The following SENP7 variants were observed in gnomAD, a reference collection of about 807,000 sequenced individuals.
The protein encoded by SENP7 is SUMO specific peptidase 7.
A neutral mutation model predicts 141.2 loss-of-function variants in SENP7; 64 were observed. That is an observed-to-expected ratio of 0.45 (90% confidence interval 0.37 to 0.56). The LOEUF is 0.56. Ranked by LOEUF, SENP7 falls within the 20% of genes least tolerant of loss-of-function variation. The pLI is 0.00. For missense variants in SENP7, 1,025 were observed against 1,212.2 expected (o/e 0.85, Z 2.29); for synonymous variants, 382 against 426.4 (o/e 0.90, Z 1.28).
chr3:101,370,290 C>T (rs1324410109), intron 7 of SENP7, among the ~76,000 whole-genome samples: 1 of 152,134 alleles, frequency 6.6e-6, no homozygotes, highest in Non-Finnish European at 1.5e-5. Context: ...TTAGTCCTCA[C>T]ATTCTACTGC....
chr3:101,452,045 T>C (rs2063159316), intron 4 of SENP7, among the ~76,000 whole-genome samples: 1 of 152,156 alleles, frequency 6.6e-6, no homozygotes, highest in South Asian at 2.1e-4. Context: ...TGTGCAAAAA[T>C]CACAAGCATT....
intron 3 of SENP7, among the ~76,000 whole-genome samples, chr3:101,492,089 T>C (rs1418180512): frequency 1.4e-5 from 2 of 146,890 alleles, no homozygotes; most frequent in African/African-American, 5.1e-5. Context: ...CAAAACGCCA[T>C]CTCAAAAAAA....
chr3:101,414,120 G>C (rs560376572), intron 5 of SENP7: 4 of 442,084 alleles, frequency 9.0e-6, no homozygotes, highest in Non-Finnish European at 1.6e-5. Flanking sequence ...TTGAACTGAT[G>C]CACTGGCAAT....
chr3:101,351,978 G>A (rs2059625319), intron 11 of SENP7, among the ~76,000 whole-genome samples: 1 of 151,946 alleles, frequency 6.6e-6, no homozygotes, highest in Non-Finnish European at 1.5e-5. Context: ...AAGTAGCAGT[G>A]ACTCTGGTAA....
chr3:101,490,480 G>A (rs1308989637), intron 3 of SENP7, among the ~76,000 whole-genome samples: 1 of 152,000 alleles, frequency 6.6e-6, no homozygotes. Context: ...GGAGGTACAA[G>A]CAACAGAAGA....
intron 4 of SENP7, among the ~76,000 whole-genome samples, chr3:101,451,431 A>C (rs185490798): frequency 6.6e-6 from 1 of 152,338 alleles, no homozygotes; most frequent in East Asian, 1.9e-4. Flanking sequence ...TTTTAGACCA[A>C]TAGCCCTGAT....
At chr3:101,333,572 G>A (rs1426399412) in intron 17 of SENP7, among the ~76,000 whole-genome samples, 1 of 152,026 alleles carries the variant, frequency 6.6e-6, no homozygotes, top group African/African-American at 2.4e-5. Context: ...AATCTTAATG[G>A]AGGAGGAAAA....
chr3:101,478,341 G>A (rs1367474417), intron 3 of SENP7, among the ~76,000 whole-genome samples: 3 of 151,968 alleles, frequency 2.0e-5, no homozygotes, highest in African/African-American at 4.8e-5. Context: ...AATACAGCAA[G>A]ACCCCACCTC....
At chr3:101,458,113 C>G (rs1276503663) in intron 4 of SENP7, among the ~76,000 whole-genome samples, 1 of 152,274 alleles carries the variant, frequency 6.6e-6, no homozygotes, top group Non-Finnish European at 1.5e-5. Context: ...GCCTTATTCA[C>G]CTTGACAATT....
chr3:101,402,227 G>A (rs191180757), intron 5 of SENP7, among the ~76,000 whole-genome samples: 2 of 152,214 alleles, frequency 1.3e-5, no homozygotes, highest in Non-Finnish European at 2.9e-5. Flanking sequence ...GCATAAGTTC[G>A]AAAGACAGGC....
rs1290550493 is a variant in SENP7, at chr3:101,341,573, A to G, written c.2240+73T>C. 7.2e-6 allele frequency: 9 copies of G among 1,256,970 alleles called. No homozygotes were observed. The Admixed American group carries it at 2.2e-4, about 31-fold the overall frequency. The allele number at this position is 1,256,970 out of a possible 1,614,324, so 77.9% of individuals were successfully genotyped here. ...CTTAAAACATTTCAAAAGTTAAACT[A>G]CTGAAAAGCAGCAACATGAATAAAA... On this transcript the variant is annotated intron_variant, in intron 15 of 23. Coordinates refer to ENST00000394095, the MANE Select transcript of SENP7 (RefSeq NM_020654.5).
chr3:101,454,156 A>G (rs931294427), intron 4 of SENP7, among the ~76,000 whole-genome samples: 6 of 152,240 alleles, frequency 3.9e-5, no homozygotes, highest in African/African-American at 1.4e-4. Context: ...AAAGTTAAAC[A>G]ATATTAATGC....
intron 6 of SENP7, among the ~76,000 whole-genome samples, chr3:101,376,225 T>C (rs1198903338): frequency 1.3e-5 from 2 of 152,162 alleles, no homozygotes; most frequent in Admixed American, 6.5e-5. Context: ...TAGAGTTTAA[T>C]AGATACAGAG....
chr3:101,397,562 A>G (rs2061005638), intron 6 of SENP7, among the ~76,000 whole-genome samples: 1 of 152,228 alleles, frequency 6.6e-6, no homozygotes, highest in East Asian at 1.9e-4. Context: ...TAAAATATAA[A>G]GTTAAAATTG....
chr3:101,457,312 C>A, intron 4 of SENP7: 2 of 1,447,264 alleles, frequency 1.4e-6, no homozygotes, highest in Non-Finnish European at 1.9e-6. Context: ...TCATCATCCT[C>A]CCCAGTAGCA....
intron 4 of SENP7, among the ~76,000 whole-genome samples, chr3:101,422,500 C>A (rs1022482700): frequency 2.6e-5 from 4 of 152,052 alleles, no homozygotes; most frequent in African/African-American, 9.7e-5. Context: ...TATTTCACAG[C>A]AAAAATGAAA....
chr3:101,461,486 G>A (rs55710435), intron 3 of SENP7, among the ~76,000 whole-genome samples: 31,940 of 151,568 alleles, frequency 0.21, 3,556 homozygotes, highest in Non-Finnish European at 0.24. Flanking sequence ...GAAGGAAAAC[G>A]AAGTAAAAGA....
chr3:101,326,276 TG>T (rs1441867850), intron 23 of SENP7, among the ~76,000 whole-genome samples, 196 bp from the exon 24 acceptor site: 1 of 152,052 alleles, frequency 6.6e-6, no homozygotes, highest in African/African-American at 2.4e-5. Context: ...CAAATCCATC[TG>T]GAAAGGGTAT....
intron 3 of SENP7, among the ~76,000 whole-genome samples, chr3:101,465,831 A>C (rs1278188378): frequency 6.6e-6 from 1 of 152,198 alleles, no homozygotes; most frequent in Admixed American, 6.5e-5. Context: ...TGCTGGAAAA[A>C]AAATCAAAAT....
Sources: allele counts gnomAD v4.1 joint callset (sites outside exome capture counted in the v4.1 genomes callset), GRCh38; gene constraint gnomAD v4.1.1; transcripts MANE v1.5; gene names NCBI Gene and HGNC (gene_info 2026-07-23, HGNC 2026-07-21).